The following P2RX6 variants were observed in gnomAD, a reference collection of about 807,000 sequenced individuals.
The protein encoded by P2RX6 is P2X purinoceptor 6.
P2RX6 carries 62 observed loss-of-function variants against 54.2 expected under a neutral mutation model. The observed-to-expected ratio is 1.14, with a 90% CI of 0.93 to 1.41. The LOEUF (loss-of-function observed/expected upper bound fraction) is 1.41. Among genes scored for constraint, P2RX6 ranks in the 40% most tolerant of loss-of-function variants. The probability of loss-of-function intolerance (pLI) is 0.00; values close to 1 mark genes in which losing one functional copy is unlikely to be tolerated. For synonymous variants in P2RX6, 211 were observed against 231.9 expected (o/e 0.91, Z 0.82); for missense variants, 541 against 566.3 (o/e 0.96, Z 0.45).
intron 3 of P2RX6, among the ~76,000 whole-genome samples, chr22:21,019,549 G>C (rs1486917747): frequency 6.6e-6 from 1 of 152,108 alleles, no homozygotes; most frequent in African/African-American, 2.4e-5. Flanking sequence ...CCTGGCCTCA[G>C]GTGACCCACC....
chr22:21,015,123 G>C (rs1926101438), upstream of P2RX6: 3 of 1,199,844 alleles, frequency 2.5e-6, no homozygotes, highest in African/African-American at 1.6e-5. Flanking sequence ...GGCCTGGCTC[G>C]GGCCCTGCTT....
upstream of P2RX6, chr22:21,013,656 C>T (rs1925904261): frequency 1.3e-5 from 2 of 152,260 alleles, no homozygotes; most frequent in African/African-American, 2.4e-5. Context: ...CTCTACCTGT[C>T]TGATGACAAA....
At chr22:21,015,522 G>A (rs1330076478) in intron 1 of P2RX6, among the ~76,000 whole-genome samples, 184 bp downstream of exon 1, 2 of 152,138 alleles carry the variant, frequency 1.3e-5, no homozygotes, top group Non-Finnish European at 2.9e-5. Context: ...CAAGCTGTGT[G>A]TTTGTCCTGT....
chr22:21,012,764 T>TG, upstream of P2RX6: 1 of 282,290 alleles, frequency 3.5e-6, no homozygotes, highest in South Asian at 6.5e-5. Context: ...TCCACCTGCT[T>TG]AAGGGACACA....
In P2RX6 at chr22:21,026,885, G is replaced by A; in HGVS notation, c.*268G>A. Reference sequence around the variant, plus strand: ...GTATTGCAGGGCTCCGACTGCATGTGGCAGGGGCTCCTGCTGCGTCTGGGC... The same window carrying A: ...GTATTGCAGGGCTCCGACTGCATGTAGCAGGGGCTCCTGCTGCGTCTGGGC... On this transcript the variant is annotated 3_prime_UTR_variant, in exon 12 of 12. Coordinates refer to ENST00000413302, the MANE Select transcript of P2RX6 (RefSeq NM_005446.5). This position sits in a 1 kb window ranked among gnomAD's most constrained non-coding sequence, Gnocchi z 4.0. 1.7e-6 allele frequency: 1 copy of A among 585,400 alleles called. No homozygotes were observed. Among genetic ancestry groups the A allele is most frequent in the Non-Finnish European group, 2.9e-6 (1 of 346,586 alleles). 36.3% of individuals were successfully genotyped at this position (585,400 alleles called of 1,614,324 possible).
At chr22:21,023,482 G>T in intron 7 of P2RX6, 27 bp from the exon 8 acceptor site, 1 of 1,613,540 alleles carries the variant, frequency 6.2e-7, no homozygotes, top group Non-Finnish European at 8.5e-7. Context: ...CCCACCCACC[G>T]GTGGAAAAGC....
At chr22:21,019,826 G>A (rs1927046383) in intron 3 of P2RX6, among the ~76,000 whole-genome samples, 2 of 152,224 alleles carry the variant, frequency 1.3e-5, no homozygotes, top group African/African-American at 2.4e-5. Flanking sequence ...GGAAACAAAG[G>A]GATGGGCTCT....
At position 21,026,834 on chromosome 22, in the gene P2RX6, A is replaced by C; in HGVS notation, c.*217A>C. 1 of 950,374 alleles carries C rather than the reference A, an allele frequency of 1.1e-6. No homozygotes were observed. Among genetic ancestry groups the C allele is most frequent in the South Asian group, 1.8e-5 (1 of 56,086 alleles). 58.9% of individuals were successfully genotyped at this position (950,374 alleles called of 1,614,324 possible). On this transcript the variant is annotated 3_prime_UTR_variant, in exon 12 of 12. Transcript: ENST00000413302. The surrounding 1 kb of genome is among the most constrained non-coding windows in gnomAD (Gnocchi z 4.0). ...GACGGCGACAGAACCTGACCCGTGG[A>C]GACTGGGAGAGCCCAGCAGGCACCT...
chr22:21,026,140 A>G lies in P2RX6; in HGVS notation c.1050+64A>G. 2.6e-6 allele frequency: 4 copies of G among 1,552,792 alleles called. No individual in the cohort carries two copies. The highest frequency in any genetic ancestry group is 2.6e-6 in the Non-Finnish European group (3 of 1,141,502). On this transcript the variant is annotated intron_variant, in intron 10 of 11. Transcript: ENST00000413302. This position sits in a 1 kb window ranked among gnomAD's most constrained non-coding sequence, Gnocchi z 4.0. ...AGTGCTGCTGACCAGGGTGTGTCCA[A>G]TGCATGCTGGAGCCTCCGGTGCCTG...
intron 3 of P2RX6, among the ~76,000 whole-genome samples, chr22:21,019,557 ACCAG>A: frequency 6.6e-6 from 1 of 152,176 alleles, no homozygotes; most frequent in Non-Finnish European, 1.5e-5. Context: ...CAGGTGACCC[ACCAG>A]CCTCGGCCTC....
intron 3 of P2RX6, among the ~76,000 whole-genome samples, chr22:21,022,298 C>T (rs907557785): frequency 3.9e-5 from 6 of 152,268 alleles, no homozygotes; most frequent in African/African-American, 1.4e-4. Context: ...TGCTTAAGCC[C>T]GGGAGGGCGA....
intron 5 of P2RX6, 27 bp from the exon 6 acceptor site, chr22:21,023,091 A>G (rs1464153769): frequency 1.2e-6 from 2 of 1,613,222 alleles, no homozygotes; most frequent in Non-Finnish European, 1.7e-6. Flanking sequence ...GGCCTGGCAG[A>G]GGCTGTCACC....
intron 2 of P2RX6, among the ~76,000 whole-genome samples, chr22:21,017,135 C>T (rs923797198): frequency 2.6e-5 from 4 of 152,102 alleles, no homozygotes; most frequent in African/African-American, 9.7e-5. Flanking sequence ...CCTTACTGCT[C>T]GGTGCACACC....
chr22:21,012,499 G>A (rs994054670), upstream of P2RX6: 7 of 551,986 alleles, frequency 1.3e-5, no homozygotes, highest in East Asian at 9.2e-5. Context: ...ACTCACGCCT[G>A]CCCACCTGCC....
rs1569181984 is a variant in P2RX6, at chr22:21,026,372, C to CT, written c.1128+45dup. The stretch of plus-strand genomic sequence containing the variant: ...TGCTTGGACCCTGGGTTCTGCCACA[C>CT]TTAGGAAGATGTTGGCTGGATCCCT... On this transcript the variant is annotated intron_variant, in intron 11 of 11. Coordinates refer to ENST00000413302, the MANE Select transcript of P2RX6 (RefSeq NM_005446.5). The surrounding 1 kb of genome is among the most constrained non-coding windows in gnomAD (Gnocchi z 4.0). The CT allele has an allele frequency of 6.3e-7, 1 of 1,587,786 alleles. No homozygotes were observed. The highest frequency in any genetic ancestry group is 1.2e-5 in the South Asian group (1 of 86,744).
Position 21,015,274 on chromosome 22 carries a change from A to G in P2RX6, c.100A>G (p.Arg34Gly). ...DYKTEKYVMT[R>G]NWRVGALQRL... ...TAAGACGGAGAAGTATGTGATGACCAGGAACTGGCGGGTGGGCGCCCTGCA... is the reference window on the plus strand; with the variant it reads ...TAAGACGGAGAAGTATGTGATGACCGGGAACTGGCGGGTGGGCGCCCTGCA... Residue 34 changes from arginine (R) to glycine (G), a missense_variant, in exon 1 of 12, where the codon AGG becomes GGG. Transcript: ENST00000413302. 6.4e-7 allele frequency: 1 copy of G among 1,552,790 alleles called. No homozygotes were observed. Among genetic ancestry groups the G allele is most frequent in the Non-Finnish European group, 8.6e-7 (1 of 1,157,842 alleles).
At chr22:21,011,779 C>T (rs1379892258), upstream of P2RX6, among the ~76,000 whole-genome samples, 9 of 152,132 alleles carry the variant, frequency 5.9e-5, no homozygotes, top group African/African-American at 1.9e-4. Flanking sequence ...TGACCTCCCC[C>T]TCCCTGTGTG....
chr22:21,015,519 T>C (rs1278823526), intron 1 of P2RX6, among the ~76,000 whole-genome samples, 181 bp downstream of exon 1: 1 of 151,976 alleles, frequency 6.6e-6, no homozygotes, highest in African/African-American at 2.4e-5. Flanking sequence ...GAACAAGCTG[T>C]GTGTTTGTCC....
At chr22:21,025,783 G>C (rs550016372) in intron 8 of P2RX6, 22 bp from the exon 9 acceptor site, 1 of 1,543,754 alleles carries the variant, frequency 6.5e-7, no homozygotes, top group East Asian at 2.4e-5. Flanking sequence ...CAGGTCACCA[G>C]AGCCTTCTTT....
Sources: allele counts gnomAD v4.1 joint callset (sites outside exome capture counted in the v4.1 genomes callset), GRCh38; gene constraint gnomAD v4.1.1; non-coding constraint Gnocchi (gnomAD v3.1); transcripts MANE v1.5; gene names NCBI Gene and HGNC (gene_info 2026-07-23, HGNC 2026-07-21).